CDYL2: variants seen among roughly 807,000 people sequenced by gnomAD.
CDYL2 encodes chromodomain Y-like protein 2.
Under a neutral mutation model 49.4 loss-of-function variants are expected in CDYL2, and 23 were observed. That is an observed-to-expected ratio of 0.47 (90% CI 0.34 to 0.66). The LOEUF (loss-of-function observed/expected upper bound fraction) is 0.66. CDYL2 is among the 30% of genes least tolerant of loss of function. The probability of loss-of-function intolerance (pLI) is 0.01; values close to 1 mark genes in which losing one functional copy is unlikely to be tolerated. For synonymous variants in CDYL2, 360 were observed against 268.8 expected, an observed-to-expected ratio of 1.34 and a Z score of -3.32; for missense variants, 678 against 656.4, an observed-to-expected ratio of 1.03 and a Z score of -0.36.
intron 2 of CDYL2, among the ~76,000 whole-genome samples, chr16:80,656,738 C>T (rs145957749): frequency 6.6e-6 from 1 of 152,094 alleles, no homozygotes; most frequent in Non-Finnish European, 1.5e-5. Flanking sequence ...TAAGATGAAG[C>T]CGGGCTCACA....
intron 4 of CDYL2, among the ~76,000 whole-genome samples, chr16:80,617,770 C>A (rs1352936509): frequency 6.6e-6 from 1 of 152,224 alleles, no homozygotes; most frequent in Non-Finnish European, 1.5e-5. Context: ...TCATACTCAT[C>A]CCCTTAATAA....
rs190776836 is a variant in CDYL2 at position 80,684,018 on chromosome 16, C to A, written c.616+520G>T. Among the ~76,000 whole-genome samples, 28 of 152,348 alleles carry A rather than the reference C, an allele frequency of 1.8e-4. No individual in the cohort carries two copies. The East Asian group carries it at 4.8e-3, about 26-fold the overall frequency. ...CTAGAGATAGCAGAAGGACAAGAGG[C>A]TCCAGCACAGGCACTGGCGTGGTGA... is the stretch of plus-strand genomic sequence containing the variant. On this transcript the variant is annotated intron_variant, in intron 2 of 6. Transcript: ENST00000570137.
At chr16:80,703,134 A>T (rs954972143) in intron 1 of CDYL2, among the ~76,000 whole-genome samples, 1 of 152,216 alleles carries the variant, frequency 6.6e-6, no homozygotes, top group Non-Finnish European at 1.5e-5. Context: ...ATGCACATAC[A>T]CACACACCTG....
At chr16:80,682,463 G>C (rs572071813) in intron 2 of CDYL2, among the ~76,000 whole-genome samples, 9 of 152,324 alleles carry the variant, frequency 5.9e-5, no homozygotes, top group African/African-American at 1.9e-4. Flanking sequence ...GAAGGGTGAA[G>C]AGCACAGAGC....
At chr16:80,707,547 G>A (rs1271952174) in intron 1 of CDYL2, among the ~76,000 whole-genome samples, 7 of 152,174 alleles carry the variant, frequency 4.6e-5, no homozygotes, top group African/African-American at 1.7e-4. Flanking sequence ...GCTCCTTCTG[G>A]TTCGGTGACT....
intron 3 of CDYL2, among the ~76,000 whole-genome samples, chr16:80,626,255 T>C (rs368278201): frequency 1.5e-4 from 18 of 121,388 alleles, no homozygotes; most frequent in East Asian, 1.4e-3. Context: ...CCAACCTCGG[T>C]GACAGAATGA....
intron 1 of CDYL2, among the ~76,000 whole-genome samples, chr16:80,689,473 G>A (rs539683381): frequency 6.6e-6 from 1 of 152,312 alleles, no homozygotes; most frequent in East Asian, 1.9e-4. Flanking sequence ...GCTCAGAGAA[G>A]GTAGGTAACT....
Position 80,604,174 on chromosome 16 carries a change from G to T in CDYL2, c.*214C>A. 1 of 591,180 alleles carries T rather than the reference G, an allele frequency of 1.7e-6. No individual in the cohort carries two copies. Among genetic ancestry groups the T allele is most frequent in the Admixed American group, 3.0e-5 (1 of 33,636 alleles). 36.6% of individuals were successfully genotyped at this position (591,180 alleles called of 1,614,324 possible). A position where few individuals can be genotyped will look rare whatever the true frequency, so the allele number is the denominator to read the frequency against. On this transcript the variant is annotated 3_prime_UTR_variant, in exon 7 of 7. Coordinates refer to ENST00000570137, the MANE Select transcript of CDYL2 (RefSeq NM_152342.4). ...CCTTGGACAGCTCTCTGGCCAGGAA[G>T]GGCAGGGAGGTGGGGGAGGCCAAGT...
intron 4 of CDYL2, among the ~76,000 whole-genome samples, chr16:80,614,632 G>C (rs149308974): frequency 6.6e-6 from 1 of 152,182 alleles, no homozygotes; most frequent in Non-Finnish European, 1.5e-5. Flanking sequence ...GTGGGAGGCC[G>C]AGGTGGATGG....
rs1906648372 is a variant in CDYL2, at chr16:80,612,628, G to A, written c.1216C>T (p.Leu406=). ...YTFPQILGVA[L]ANEMLFCGRK... ...TCCAGGTATCACAGGAGGCTTACCA[G>A]CGCGACGCCCAGGATCTGGGGGAAG... The change falls in exon 5 of 7, where the codon CTG becomes TTG. Residue 406 remains leucine (L), a splice_region_variant and synonymous_variant. Coordinates refer to ENST00000570137, the MANE Select transcript of CDYL2 (RefSeq NM_152342.4). This position sits in a 1 kb window ranked among gnomAD's most constrained non-coding sequence, Gnocchi z 5.0. 2 of 1,604,592 alleles carry A rather than the reference G, an allele frequency of 1.2e-6. No individual in the cohort carries two copies. Among genetic ancestry groups the A allele is most frequent in the Non-Finnish European group, 1.7e-6 (2 of 1,175,524 alleles).
rs1290512145 is a variant in CDYL2 at position 80,598,193 on chromosome 16, T to C, written c.*6195A>G. The C allele has an allele frequency of 6.6e-6, 1 of 152,034 alleles. No homozygotes were observed. The highest frequency in any genetic ancestry group is 2.4e-5 in the African/African-American group (1 of 41,394). The allele number at this position is 152,034 out of a possible 1,614,324, so 9.4% of individuals were successfully genotyped here. A position where few individuals can be genotyped will look rare whatever the true frequency, so the allele number is the denominator to read the frequency against. On this transcript the variant is annotated 3_prime_UTR_variant, in exon 7 of 7. Coordinates refer to ENST00000570137, the MANE Select transcript of CDYL2 (RefSeq NM_152342.4). ...TATGAAGTACTCAGACTTACAAATATTCAGAACTAGTTAAAGACTCTCCCA... is the reference window on the plus strand; with the variant it reads ...TATGAAGTACTCAGACTTACAAATACTCAGAACTAGTTAAAGACTCTCCCA...
chr16:80,694,010 CA>C (rs1234433276), intron 1 of CDYL2, among the ~76,000 whole-genome samples: 1 of 152,158 alleles, frequency 6.6e-6, no homozygotes, highest in African/African-American at 2.4e-5. Flanking sequence ...ACAAAGTATA[CA>C]AATACTGTAT....
chr16:80,795,606 C>T (rs1281642697), intron 1 of CDYL2, among the ~76,000 whole-genome samples: 3 of 152,120 alleles, frequency 2.0e-5, no homozygotes, highest in Admixed American at 1.3e-4. Context: ...AAGTGCTACT[C>T]CACAACCCCC....
chr16:80,675,282 T>C (rs1371090875), intron 2 of CDYL2, among the ~76,000 whole-genome samples: 6 of 152,214 alleles, frequency 3.9e-5, no homozygotes, highest in African/African-American at 1.4e-4. Flanking sequence ...ATTCCTTCTC[T>C]CAGTGCTGTG....
At chr16:80,626,275 TAAAAAAAAAAAA>T (rs11358031) in intron 3 of CDYL2, among the ~76,000 whole-genome samples, 83 of 92,298 alleles carry the variant, frequency 9.0e-4, no homozygotes, top group Non-Finnish European at 1.7e-3. Flanking sequence ...AAATCCCATC[TAAAAAAAAAAAA>T]AAAAAAAAAG....
chr16:80,604,584 A>G, intron 6 of CDYL2, 38 bp from the exon 7 acceptor site: 38 of 1,611,300 alleles, frequency 2.4e-5, no homozygotes, highest in Non-Finnish European at 3.2e-5. Context: ...GCCGGGCACC[A>G]GGGACTCTGC....
intron 4 of CDYL2, among the ~76,000 whole-genome samples, chr16:80,618,600 G>A (rs896564307): frequency 1.3e-5 from 2 of 152,190 alleles, no homozygotes; most frequent in African/African-American, 4.8e-5. Context: ...TTTCTGTTCA[G>A]CTTCCATCCC....
intron 5 of CDYL2, among the ~76,000 whole-genome samples, chr16:80,611,032 C>T (rs1005135742): frequency 1.3e-5 from 2 of 152,144 alleles, no homozygotes; most frequent in Non-Finnish European, 2.9e-5. Context: ...CTGACCTGAC[C>T]ACTCTCAACC....
chr16:80,712,189 G>GTA lies in CDYL2; in HGVS notation c.25-27061_25-27060insTA, dbSNP rs527296483. On this transcript the variant is annotated intron_variant, in intron 1 of 6. Transcript: ENST00000570137. ...TATATATGTGTCTTTGTGTCTGTGT[G>GTA]TGTATATATATATATATATATATAT... Among the ~76,000 whole-genome samples the GTA allele has an allele frequency of 1.1e-3, 83 of 75,848 alleles. 4 individuals carry two copies. The highest frequency in any genetic ancestry group is 2.5e-3 in the African/African-American group (76 of 30,142). 49.8% of individuals were successfully genotyped at this position (75,848 alleles called of 152,430 possible).
Sources: allele counts gnomAD v4.1 joint callset (sites outside exome capture counted in the v4.1 genomes callset), GRCh38; gene constraint gnomAD v4.1.1; non-coding constraint Gnocchi (gnomAD v3.1); transcripts MANE v1.5; gene names NCBI Gene and HGNC (gene_info 2026-07-23, HGNC 2026-07-21).